Variants in SERAC1 observed in about 807,000 individuals in gnomAD.
The protein encoded by SERAC1 is protein SERAC1.
A neutral mutation model predicts 85.7 loss-of-function variants in SERAC1; 36 were observed. The ratio of observed to expected loss-of-function variants is 0.42; its 90% CI spans 0.32 to 0.55. The LOEUF (loss-of-function observed/expected upper bound fraction) is 0.55, where lower values mean the gene tolerates loss of function less well. Ranked by LOEUF, SERAC1 falls within the 20% of genes least tolerant of loss-of-function variation. The probability of loss-of-function intolerance (pLI) is 0.11; values close to 1 mark genes in which losing one functional copy is unlikely to be tolerated. For synonymous variants in SERAC1, 242 were observed against 265.3 expected, an observed-to-expected ratio of 0.91 and a Z score of 0.85; for missense variants, 629 against 796.2, an observed-to-expected ratio of 0.79 and a Z score of 2.53.
chr6:158,112,980 G>T (rs1222349019), intron 16 of SERAC1: 1 of 161,184 alleles, frequency 6.2e-6, no homozygotes, highest in East Asian at 1.8e-4. Flanking sequence ...CCAGGATCAT[G>T]AAGAGATTGT....
Position 158,150,930 on chromosome 6 carries a change from A to G in SERAC1, c.129-341T>C, listed in dbSNP as rs372566747. On this transcript the variant is annotated intron_variant, in intron 3 of 16. Transcript: ENST00000647468. The stretch of plus-strand genomic sequence containing the variant: ...TGCCCGTCCTATAAAAGTCTAGCTC[A>G]TACAATTACGTATAGTACATAATAC... The G allele has an allele frequency of 2.7e-5, 6 of 220,188 alleles. No homozygotes were observed. The East Asian group carries it at 3.7e-4, about 14-fold the overall frequency. 13.6% of individuals were successfully genotyped at this position (220,188 alleles called of 1,614,324 possible).
At chr6:158,131,758 A>G (rs1347853396) in intron 8 of SERAC1, among the ~76,000 whole-genome samples, 1 of 152,178 alleles carries the variant, frequency 6.6e-6, no homozygotes, top group Non-Finnish European at 1.5e-5. Flanking sequence ...CACACAGGGA[A>G]AGTGATAGAT....
At chr6:158,118,192 A>G (rs749959924) in intron 12 of SERAC1, among the ~76,000 whole-genome samples, 2 of 152,230 alleles carry the variant, frequency 1.3e-5, no homozygotes, top group African/African-American at 2.4e-5. Flanking sequence ...CTGAGAATTC[A>G]GAGACACTAA....
rs191095266 is a variant in SERAC1, at chr6:158,141,078, C to T, written c.738+1978G>A. 1.1e-4 allele frequency among the ~76,000 whole-genome samples: 17 copies of T among 152,226 alleles called. No homozygotes were observed. The East Asian group carries it at 1.5e-3, about 14-fold the overall frequency. ...CACTGATGAACAGATAAATAAAATG[C>T]GGCATAGCCATACAATGGACTATTA... On this transcript the variant is annotated intron_variant, in intron 8 of 16. Coordinates refer to ENST00000647468, the MANE Select transcript of SERAC1 (RefSeq NM_032861.4).
intron 1 of SERAC1, among the ~76,000 whole-genome samples, chr6:158,164,353 T>C (rs1030045562): frequency 1.3e-5 from 2 of 151,914 alleles, no homozygotes; most frequent in Non-Finnish European, 2.9e-5. Flanking sequence ...CGGGCACCTG[T>C]AGTCCCAGCT....
chr6:158,111,388 A>G lies in SERAC1; in HGVS notation c.1943T>C (p.Leu648Ser). 1 of 1,598,706 alleles carries G rather than the reference A, an allele frequency of 6.3e-7. No homozygotes were observed. Among genetic ancestry groups the G allele is most frequent in the Non-Finnish European group, 8.5e-7 (1 of 1,175,838 alleles). ...QRTLQFIREA[L>S]AKDLEN ...CTGTTAGTTTTCAAGGTCTTTGGCT[A>G]AAGCTTCACGAATGAATTGTAAAGT... is the stretch of plus-strand genomic sequence containing the variant. Residue 648 changes from leucine (L) to serine (S), a missense_variant, in exon 17 of 17, where the codon TTA becomes TCA. Leu to Ser is a moderately radical substitution (Grantham distance 145). Transcript: ENST00000647468.
At chr6:158,167,244 AAAG>A (rs1785620799) in intron 1 of SERAC1, among the ~76,000 whole-genome samples, 2 of 141,674 alleles carry the variant, frequency 1.4e-5, no homozygotes, top group Admixed American at 7.5e-5. Context: ...AAAAAAAAAA[AAAG>A]GCAGCATGAG....
chr6:158,121,384 T>C (rs530560049), intron 10 of SERAC1, among the ~76,000 whole-genome samples: 1 of 152,150 alleles, frequency 6.6e-6, no homozygotes, highest in Non-Finnish European at 1.5e-5. Context: ...TAAAGCAGAA[T>C]ATGGGCCTTG....
chr6:158,128,567 A>G (rs1784599673), intron 9 of SERAC1, among the ~76,000 whole-genome samples: 1 of 152,202 alleles, frequency 6.6e-6, no homozygotes, highest in African/African-American at 2.4e-5. Flanking sequence ...CATTATTACA[A>G]AATTGTTTCA....
chr6:158,165,886 T>C (rs939059766), intron 1 of SERAC1, among the ~76,000 whole-genome samples: 2 of 152,154 alleles, frequency 1.3e-5, no homozygotes, highest in Non-Finnish European at 2.9e-5. Context: ...AGTAATAAAA[T>C]GACACCTCAA....
chr6:158,145,914 T>C (rs1465045066), intron 6 of SERAC1: 1 of 152,220 alleles, frequency 6.6e-6, no homozygotes, highest in East Asian at 1.9e-4. Flanking sequence ...CCAGAGAAGA[T>C]ATGAGTTCTT....
chr6:158,147,605 A>C (rs1785096414), intron 5 of SERAC1, among the ~76,000 whole-genome samples: 1 of 56,178 alleles, frequency 1.8e-5, no homozygotes, highest in Non-Finnish European at 4.3e-5. Context: ...CTAAAAATAC[A>C]AAAAAAAAAA....
rs1206717210 is a variant in SERAC1 at position 158,127,445 on chromosome 6, A to G, written c.1015+663T>C. 1.9e-3 allele frequency among the ~76,000 whole-genome samples: 29 copies of G among 15,136 alleles called. No homozygotes were observed. In the East Asian group the frequency reaches 0.047, roughly 25 times the overall value. The allele number at this position is 15,136 out of a possible 152,430, so 9.9% of individuals were successfully genotyped here. A position where few individuals can be genotyped will look rare whatever the true frequency, so the allele number is the denominator to read the frequency against. On this transcript the variant is annotated intron_variant, in intron 10 of 16. Transcript: ENST00000647468. ...GGGGCGCCTCTGCCCGGCCGCCCCT[A>G]CTGGGAAGTGAGGAGCCCCTCTGTC...
At position 158,120,749 on chromosome 6, in the gene SERAC1, G is replaced by C. The variant is rs1784401114; in HGVS notation, c.1016-174C>G. 6.6e-6 allele frequency among the ~76,000 whole-genome samples: 1 copy of C among 152,062 alleles called. No homozygotes were observed. The highest frequency in any genetic ancestry group is 1.5e-5 in the Non-Finnish European group (1 of 68,010). Reference sequence around the variant, plus strand: ...TGCCCTACGATCCTCTGAGACCTGTGGCACAATACCATCCACATACCCCTT... The same window carrying C: ...TGCCCTACGATCCTCTGAGACCTGTCGCACAATACCATCCACATACCCCTT... On this transcript the variant is annotated intron_variant, in intron 10 of 16. Coordinates refer to ENST00000647468, the MANE Select transcript of SERAC1 (RefSeq NM_032861.4). The surrounding 1 kb of genome is among the most constrained non-coding windows in gnomAD (Gnocchi z 4.4).
At chr6:158,126,965 A>T (rs1784552771) in intron 10 of SERAC1, among the ~76,000 whole-genome samples, 1 of 151,910 alleles carries the variant, frequency 6.6e-6, no homozygotes, top group African/African-American at 2.4e-5. Context: ...AGGTGGGAGG[A>T]TCCATTGAGC....
At chr6:158,137,235 A>G (rs182626663) in intron 8 of SERAC1, among the ~76,000 whole-genome samples, 78 of 151,936 alleles carry the variant, frequency 5.1e-4, no homozygotes, top group African/African-American at 1.9e-3. Context: ...ATATTTATTT[A>G]AATATTAAAT....
chr6:158,159,521 G>C (rs1165657977), intron 1 of SERAC1, among the ~76,000 whole-genome samples: 1 of 142,778 alleles, frequency 7.0e-6, no homozygotes, highest in Non-Finnish European at 1.5e-5. Context: ...AAAAAAAAAA[G>C]ACTATAAATT....
At chr6:158,167,880 G>C (rs918001239) in intron 1 of SERAC1, among the ~76,000 whole-genome samples, 2 of 152,044 alleles carry the variant, frequency 1.3e-5, no homozygotes, top group Admixed American at 6.5e-5. Context: ...CCGGGAAGAC[G>C]GACCGGCAGG....
At chr6:158,165,445 G>A (rs373957504) in intron 1 of SERAC1, among the ~76,000 whole-genome samples, 21 of 152,106 alleles carry the variant, frequency 1.4e-4, no homozygotes, top group East Asian at 3.9e-4. Context: ...GTGAGCCACC[G>A]TGCCCGGCCC....
Sources: allele counts gnomAD v4.1 joint callset (sites outside exome capture counted in the v4.1 genomes callset), GRCh38; gene constraint gnomAD v4.1.1; non-coding constraint Gnocchi (gnomAD v3.1); transcripts MANE v1.5; gene names NCBI Gene and HGNC (gene_info 2026-07-23, HGNC 2026-07-21).